Variants in GLDC observed in about 807,000 individuals in gnomAD.
GLDC encodes glycine dehydrogenase (decarboxylating), mitochondrial.
A neutral mutation model predicts 121.3 loss-of-function variants in GLDC; 104 were observed. The ratio of observed to expected loss-of-function variants is 0.86; its 90% CI spans 0.73 to 1.01. The LOEUF is 1.01. Among genes scored for constraint, GLDC ranks in the 50% least tolerant of loss-of-function variants. GLDC has a pLI of 0.00. For synonymous variants in GLDC, 546 were observed against 480.6 expected, an observed-to-expected ratio of 1.14 and a Z score of -1.78; for missense variants, 1,429 against 1,306.6, an observed-to-expected ratio of 1.09 and a Z score of -1.44.
At position 6,638,570 on chromosome 9, in the gene GLDC, C is replaced by G. The variant is rs75731587; in HGVS notation, c.334+6044G>C. 2.9e-3 allele frequency among the ~76,000 whole-genome samples: 445 copies of G among 152,296 alleles called. 1 individual carries two copies. The highest frequency in any genetic ancestry group is 0.01 in the African/African-American group (426 of 41,560). On this transcript the variant is annotated intron_variant, in intron 2 of 24. Transcript: ENST00000321612. ...TATTCCAACTCTTAACTCTGTCTTT[C>G]CATCCCATTTCACATCATTTCTGAA...
chr9:6,541,210 T>C (rs1817250982), intron 21 of GLDC: 2 of 152,216 alleles, frequency 1.3e-5, no homozygotes, highest in Admixed American at 6.5e-5. Flanking sequence ...CTCCCCAGAA[T>C]GAGCTACTGA....
At chr9:6,573,691 G>A (rs2129786644) in intron 15 of GLDC, among the ~76,000 whole-genome samples, 1 of 152,202 alleles carries the variant, frequency 6.6e-6, no homozygotes, top group South Asian at 2.1e-4. Context: ...TTTACGTTGA[G>A]AAACAAAAAC....
At chr9:6,633,834 T>TC (rs1343201056) in intron 2 of GLDC, among the ~76,000 whole-genome samples, 3 of 131,988 alleles carry the variant, frequency 2.3e-5, no homozygotes, top group Non-Finnish European at 4.8e-5. Flanking sequence ...TTTTTTTTTT[T>TC]TTTTTTTTTT....
Position 6,608,238 on chromosome 9 carries a change from C to G in GLDC, c.636-1569G>C, listed in dbSNP as rs895792377. On this transcript the variant is annotated intron_variant, in intron 4 of 24. Transcript: ENST00000321612. ...ACCCTCCTGGCTAACAGGGTGAAAC[C>G]CCATCTCTACTAAAAATACAAAAAA... Among the ~76,000 whole-genome samples, 4 of 148,992 alleles carry G rather than the reference C, an allele frequency of 2.7e-5. No homozygotes were observed. The East Asian group carries it at 7.9e-4, about 29-fold the overall frequency.
intron 22 of GLDC, among the ~76,000 whole-genome samples, chr9:6,537,021 C>G (rs1422939320): frequency 6.7e-6 from 1 of 149,214 alleles, no homozygotes; most frequent in Non-Finnish European, 1.5e-5. Flanking sequence ...TATAATTTTT[C>G]TGTAAAGCAT....
intron 16 of GLDC, among the ~76,000 whole-genome samples, chr9:6,564,958 C>A (rs1817826535): frequency 6.6e-6 from 1 of 152,222 alleles, no homozygotes. Flanking sequence ...CGGGCTTCAG[C>A]ACAACAGGGG....
At chr9:6,609,454 G>T (rs1028385644) in intron 4 of GLDC, among the ~76,000 whole-genome samples, 1 of 152,066 alleles carries the variant, frequency 6.6e-6, no homozygotes, top group Non-Finnish European at 1.5e-5. Context: ...CAGGACCTTT[G>T]TCACTACCCT....
rs59998046 is a variant in GLDC at position 6,595,323 on chromosome 9, G to A, written c.1156-204C>T. Among the ~76,000 whole-genome samples, 3,421 of 152,280 alleles carry A rather than the reference G, an allele frequency of 0.022. 120 individuals carry two copies. The highest frequency in any genetic ancestry group is 0.078 in the African/African-American group (3,248 of 41,534). On this transcript the variant is annotated intron_variant, in intron 8 of 24. Coordinates refer to ENST00000321612, the MANE Select transcript of GLDC (RefSeq NM_000170.3). ...CCATCATCCAAGACACCCTGGAGTT[G>A]TTACTATACTAAACCTTCACATTTG... is the stretch of plus-strand genomic sequence containing the variant.
rs771189520 is a variant in GLDC at position 6,645,368 on chromosome 9, G to T, written c.132C>A (p.Ser44Arg). The change falls in exon 1 of 25, where the codon AGC becomes AGA. Residue 44 changes from serine to arginine, a missense_variant. Ser to Arg is a moderately radical substitution (Grantham distance 110, BLOSUM62 -1). Coordinates refer to ENST00000321612, the MANE Select transcript of GLDC (RefSeq NM_000170.3). Reference protein sequence around the residue: ...SRDSSSGGGDSAAAGASRLLE... With the variant: ...SRDSSSGGGDRAAAGASRLLE... ...GGAGGCGCGAGGCCCCAGCCGCGGC[G>T]CTGTCCCCGCCGCCACTGCTGCTGT... is the stretch of plus-strand genomic sequence containing the variant. 6 of 1,535,372 alleles carry T rather than the reference G, an allele frequency of 3.9e-6. No homozygotes were observed. In the African/African-American group the frequency reaches 5.6e-5, roughly 14 times the overall value.
rs767628262 is a variant in GLDC, at chr9:6,604,796, G to C, written c.862-12C>G. On this transcript the variant is annotated splice_polypyrimidine_tract_variant and intron_variant, in intron 6 of 24. Transcript: ENST00000321612. ...CAGCAGGCCAGGCTCTAGAAAGGAA[G>C]TGAGAGAAAAGGAACAAGGTTGCTA... The C allele has an allele frequency of 9.9e-6, 16 of 1,610,876 alleles. No homozygotes were observed. Among genetic ancestry groups the C allele is most frequent in the Non-Finnish European group, 1.2e-5 (14 of 1,177,054 alleles).
intron 3 of GLDC, among the ~76,000 whole-genome samples, chr9:6,612,258 C>G (rs1818874368): frequency 6.6e-6 from 1 of 151,774 alleles, no homozygotes; most frequent in Non-Finnish European, 1.5e-5. Flanking sequence ...CTCTCTCACA[C>G]ACACTCACAC....
In GLDC at chr9:6,610,298, G is replaced by A; in HGVS notation, c.529C>T (p.Leu177Phe). The stretch of plus-strand genomic sequence containing the variant: ...TCACACACCATGGTCTGGTAGTTGA[G>A]TAAACTCTCCAGCCTCCCCTGAGAC... Reference protein sequence around the residue: ...EVSQGRLESLLNYQTMVCDIT... With the variant: ...EVSQGRLESLFNYQTMVCDIT... The change falls in exon 4 of 25, where the codon CTC becomes TTC. Residue 177 changes from leucine (L) to phenylalanine (F), a missense_variant. Transcript: ENST00000321612. The A allele has an allele frequency of 6.2e-7, 1 of 1,613,860 alleles. No homozygotes were observed. Among genetic ancestry groups the A allele is most frequent in the Non-Finnish European group, 8.5e-7 (1 of 1,179,758 alleles).
At chr9:6,599,024 T>C in intron 8 of GLDC, among the ~76,000 whole-genome samples, 1 of 151,364 alleles carries the variant, frequency 6.6e-6, no homozygotes, top group East Asian at 2.0e-4. Flanking sequence ...CTACTAAAAA[T>C]ACAAAAAATA....
intron 9 of GLDC, chr9:6,593,200 A>G (rs1451064926): frequency 3.6e-6 from 2 of 554,930 alleles, no homozygotes; most frequent in Non-Finnish European, 6.4e-6. Context: ...GAAAATCAAC[A>G]TACAATTGCA....
At chr9:6,588,504 C>A in intron 13 of GLDC, 62 bp from the exon 14 acceptor site, 1 of 1,487,210 alleles carries the variant, frequency 6.7e-7, no homozygotes, top group South Asian at 1.1e-5. Flanking sequence ...TCAATCAACC[C>A]TCCATTCTCC....
At chr9:6,553,269 T>G in intron 20 of GLDC, 99 bp downstream of exon 20, 2 of 1,044,560 alleles carry the variant, frequency 1.9e-6, no homozygotes, top group Non-Finnish European at 2.9e-6. Context: ...AGATCATGAA[T>G]TTATTTGTTT....
rs1217360541 is a variant in GLDC, at chr9:6,592,857, A to G, written c.1395T>C (p.Asp465=). The part of the protein sequence containing the change: ...QRQINFRLFE[D]GTLGISLDET... ...TACTGAAAATTTGACTTACTGTGCCATCCTCAAAAAGCCGAAAATTGATCT... is the reference window on the plus strand; with the variant it reads ...TACTGAAAATTTGACTTACTGTGCCGTCCTCAAAAAGCCGAAAATTGATCT... Residue 465 remains aspartate, a synonymous_variant, in exon 10 of 25, where the codon GAT becomes GAC. Coordinates refer to ENST00000321612, the MANE Select transcript of GLDC (RefSeq NM_000170.3). 2 of 1,613,124 alleles carry G rather than the reference A, an allele frequency of 1.2e-6. No homozygotes were observed. The highest frequency in any genetic ancestry group is 1.7e-6 in the Non-Finnish European group (2 of 1,179,898).
chr9:6,589,337 A>C, intron 11 of GLDC, 45 bp from the exon 12 acceptor site: 1 of 1,199,928 alleles, frequency 8.3e-7, no homozygotes, highest in Admixed American at 1.7e-5. Flanking sequence ...CTGTGCCTGG[A>C]GCCACATGTG....
chr9:6,574,674 C>T (rs1211744158), intron 15 of GLDC, among the ~76,000 whole-genome samples: 2 of 151,994 alleles, frequency 1.3e-5, no homozygotes, highest in Non-Finnish European at 2.9e-5. Context: ...TTACATTTCC[C>T]GAAAGACGGC....
Sources: allele counts gnomAD v4.1 joint callset (sites outside exome capture counted in the v4.1 genomes callset), GRCh38; gene constraint gnomAD v4.1.1; transcripts MANE v1.5; gene names NCBI Gene and HGNC (gene_info 2026-07-23, HGNC 2026-07-21).